CUBN: variants seen among roughly 807,000 people sequenced by gnomAD.
The protein encoded by CUBN is cubilin.
Under a neutral mutation model 405.3 loss-of-function variants are expected in CUBN, and 282 were observed. That is an observed-to-expected ratio of 0.70 (90% CI 0.63 to 0.77). The LOEUF is 0.77. Among genes scored for constraint, CUBN ranks in the 30% least tolerant of loss-of-function variants. CUBN has a pLI of 0.00. For missense variants in CUBN, 4,514 were observed against 4,475.2 expected (o/e 1.01, Z -0.25); for synonymous variants, 1,684 against 1,617.0 (o/e 1.04, Z -0.99).
At position 16,835,200 on chromosome 10, in the gene CUBN, G is replaced by A; in HGVS notation, c.10181-5C>T. On this transcript the variant is annotated splice_region_variant and splice_polypyrimidine_tract_variant and intron_variant, in intron 63 of 66. Transcript: ENST00000377833. ...TGTGATAGTCTCTGTTGCAATCTTA[G>A]AGGAAAAATAGGCATAATTAATGTA... The A allele has an allele frequency of 6.2e-7, 1 of 1,612,020 alleles. No individual in the cohort carries two copies. Among genetic ancestry groups the A allele is most frequent in the Non-Finnish European group, 8.5e-7 (1 of 1,178,088 alleles).
intron 28 of CUBN, among the ~76,000 whole-genome samples, chr10:16,997,010 T>G (rs1445296879): frequency 6.6e-6 from 1 of 152,268 alleles, no homozygotes; most frequent in Non-Finnish European, 1.5e-5. Context: ...GATGTTCACG[T>G]GCTTCATTAA....
intron 29 of CUBN, among the ~76,000 whole-genome samples, chr10:16,987,816 C>G (rs182885974): frequency 2.0e-5 from 3 of 152,224 alleles, no homozygotes; most frequent in Admixed American, 6.5e-5. Flanking sequence ...TGCAGAAAAG[C>G]AAAACAAGGC....
chr10:17,025,317 G>A (rs894749206), intron 27 of CUBN, among the ~76,000 whole-genome samples: 4 of 152,160 alleles, frequency 2.6e-5, no homozygotes, highest in Non-Finnish European at 5.9e-5. Context: ...TCACAAGCAG[G>A]AAAGCAATTT....
chr10:17,013,433 ACTTT>A (rs1834242447), intron 28 of CUBN, among the ~76,000 whole-genome samples: 1 of 148,528 alleles, frequency 6.7e-6, no homozygotes, highest in Non-Finnish European at 1.5e-5. Context: ...TCTCTGTCTG[ACTTT>A]CTGTCTCTTT....
chr10:16,991,782 C>T (rs1002479071), intron 28 of CUBN, among the ~76,000 whole-genome samples: 4 of 152,104 alleles, frequency 2.6e-5, no homozygotes, highest in African/African-American at 9.7e-5. Flanking sequence ...AACACTTTTA[C>T]ACTGTTGGTG....
chr10:16,893,563 C>T (rs572088445), intron 54 of CUBN, among the ~76,000 whole-genome samples: 1 of 152,330 alleles, frequency 6.6e-6, no homozygotes, highest in Admixed American at 6.5e-5. Flanking sequence ...CTCTGGCTCT[C>T]TGCTTTCCAT....
chr10:16,914,015 A>T, intron 47 of CUBN, 23 bp from the exon 48 acceptor site: 1 of 1,612,894 alleles, frequency 6.2e-7, no homozygotes, highest in Non-Finnish European at 8.5e-7. Flanking sequence ...AAAAGCCAAG[A>T]AAACTTTCAA....
chr10:16,938,527 G>GT (rs1444343092), intron 38 of CUBN, among the ~76,000 whole-genome samples: 1 of 152,140 alleles, frequency 6.6e-6, no homozygotes, highest in East Asian at 1.9e-4. Context: ...GTCATAGCCT[G>GT]TAAGCATCCG....
At chr10:17,122,030 T>C (rs1837054551) in intron 6 of CUBN, 1 of 152,334 alleles carries the variant, frequency 6.6e-6, no homozygotes, top group Non-Finnish European at 1.5e-5. Flanking sequence ...TGATCTGCCT[T>C]AATTTTTTGG....
At chr10:16,951,825 G>A (rs796655202) in intron 33 of CUBN, among the ~76,000 whole-genome samples, 9 of 152,266 alleles carry the variant, frequency 5.9e-5, no homozygotes, top group East Asian at 3.9e-4. Flanking sequence ...ATTCTGGCCC[G>A]TGAGTCACTG....
chr10:16,952,270 A>G lies in CUBN; in HGVS notation c.4969+6T>C. On this transcript the variant is annotated splice_donor_region_variant and intron_variant, in intron 33 of 66. Transcript: ENST00000377833. ...GTGCCTTTTCTTTTTCATTTTTGTT[A>G]CTTACATGGAGGTTGCGCTTGAATG... 5 of 1,601,144 alleles carry G rather than the reference A, an allele frequency of 3.1e-6. No individual in the cohort carries two copies. The highest frequency in any genetic ancestry group is 2.2e-5 in the East Asian group (1 of 44,764).
At chr10:16,914,871 A>C (rs1841838325) in intron 47 of CUBN, among the ~76,000 whole-genome samples, 161 bp downstream of exon 47, 1 of 152,184 alleles carries the variant, frequency 6.6e-6, no homozygotes, top group South Asian at 2.1e-4. Context: ...CATTGATCAC[A>C]GCTGTAATTT....
chr10:16,850,809 A>G (rs1839664354), intron 60 of CUBN, among the ~76,000 whole-genome samples: 1 of 152,222 alleles, frequency 6.6e-6, no homozygotes, highest in Non-Finnish European at 1.5e-5. Context: ...AACCATTTTA[A>G]TATCTAAACA....
At chr10:17,095,134 T>C (rs928763565) in intron 14 of CUBN, among the ~76,000 whole-genome samples, 2 of 151,960 alleles carry the variant, frequency 1.3e-5, no homozygotes, top group African/African-American at 2.4e-5. Flanking sequence ...TTGACAAACA[T>C]GGCAAGAACA....
At chr10:16,899,259 A>ATGCTC in intron 53 of CUBN, 76 bp from the exon 54 acceptor site, 1 of 1,065,450 alleles carries the variant, frequency 9.4e-7, no homozygotes, top group Middle Eastern at 2.3e-4. Context: ...CTACAGAAGG[A>ATGCTC]ACATTTCCAA....
chr10:17,105,899 C>T (rs906781621), intron 10 of CUBN, among the ~76,000 whole-genome samples: 1 of 152,216 alleles, frequency 6.6e-6, no homozygotes, highest in African/African-American at 2.4e-5. Flanking sequence ...CATTCCTCAT[C>T]ATGGAGGAGT....
At chr10:17,015,056 C>T (rs1040071564) in intron 28 of CUBN, among the ~76,000 whole-genome samples, 1 of 152,218 alleles carries the variant, frequency 6.6e-6, no homozygotes, top group African/African-American at 2.4e-5. Context: ...CACTAGTCTC[C>T]AATGACCTTT....
intron 17 of CUBN, among the ~76,000 whole-genome samples, chr10:17,080,057 T>C (rs1180289200): frequency 6.6e-6 from 1 of 152,180 alleles, no homozygotes; most frequent in Non-Finnish European, 1.5e-5. Flanking sequence ...CCCAATTATT[T>C]TGGTTCTCTT....
At position 17,043,942 on chromosome 10, in the gene CUBN, C is replaced by G; in HGVS notation, c.3714G>C (p.Gln1238His). ...GAGGGGGTTTCTCATCCCCACAAAGCTGAGTTAGCAGATGAGAGTTGCTAC... is the reference window on the plus strand; with the variant it reads ...GAGGGGGTTTCTCATCCCCACAAAGGTGAGTTAGCAGATGAGAGTTGCTAC... ...GPSSNSHLLT[Q>H]LCGDEKPPLI... The change falls in exon 26 of 67, where the codon CAG becomes CAC. Residue 1238 changes from glutamine (Q) to histidine (H), a missense_variant. By Grantham distance (24) the Gln-to-His change is conservative. Around this residue, in one of 5 missense-constraint regions of CUBN, gnomAD observed 242 missense variants for 309.0 expected, o/e 0.78. Transcript: ENST00000377833. 1 of 1,613,538 alleles carries G rather than the reference C, an allele frequency of 6.2e-7. No homozygotes were observed. Among genetic ancestry groups the G allele is most frequent in the Non-Finnish European group, 8.5e-7 (1 of 1,179,708 alleles).
Sources: allele counts gnomAD v4.1 joint callset (sites outside exome capture counted in the v4.1 genomes callset), GRCh38; gene constraint gnomAD v4.1.1; regional missense constraint gnomAD v4.1.1; transcripts MANE v1.5; gene names NCBI Gene and HGNC (gene_info 2026-07-23, HGNC 2026-07-21).